GLRA1: variants seen among roughly 807,000 people sequenced by gnomAD.
The protein encoded by GLRA1 is glycine receptor subunit alpha-1.
In GLRA1, 37 loss-of-function variants were observed where a neutral mutation model predicts 48.3. The observed-to-expected ratio is 0.77, with a 90% CI of 0.59 to 1.01. The LOEUF (loss-of-function observed/expected upper bound fraction) is 1.01, where lower values mean the gene tolerates loss of function less well. GLRA1 is among the 50% of genes least tolerant of loss of function. The pLI is 0.00. For synonymous variants in GLRA1, 196 were observed against 210.7 expected, an observed-to-expected ratio of 0.93 and a Z score of 0.60; for missense variants, 427 against 571.0, an observed-to-expected ratio of 0.75 and a Z score of 2.57.
chr5:151,917,218 TG>T (rs1397550857), intron 1 of GLRA1, among the ~76,000 whole-genome samples: 2 of 152,192 alleles, frequency 1.3e-5, no homozygotes, highest in African/African-American at 4.8e-5. Flanking sequence ...ATCAATCTTC[TG>T]GGTGCGCTTT....
rs79260785 is a variant in GLRA1, at chr5:151,898,574, G to T, written c.57-6136C>A. On this transcript the variant is annotated intron_variant, in intron 1 of 8. Transcript: ENST00000274576. ...ATCCCTCCAGTCAATTCCCTCTCCA[G>T]TTTACCATGAGCAGAGAAGTCCAGG... is the stretch of plus-strand genomic sequence containing the variant. Among the ~76,000 whole-genome samples the T allele has an allele frequency of 8.0e-3, 1,215 of 152,182 alleles. 18 individuals carry two copies. The highest frequency in any genetic ancestry group is 0.028 in the African/African-American group (1,143 of 41,492).
intron 8 of GLRA1, among the ~76,000 whole-genome samples, chr5:151,823,791 G>A (rs569252596): frequency 1.3e-5 from 2 of 151,970 alleles, no homozygotes; most frequent in East Asian, 3.9e-4. Context: ...CCTTCCTTAT[G>A]CTCACTACCA....
chr5:151,864,985 G>T (rs989796188), intron 3 of GLRA1, among the ~76,000 whole-genome samples: 3 of 152,158 alleles, frequency 2.0e-5, no homozygotes, highest in African/African-American at 7.2e-5. Flanking sequence ...CAACAATTCA[G>T]TAAAGAATCT....
chr5:151,826,864 A>AG (rs1691310867), intron 8 of GLRA1, among the ~76,000 whole-genome samples: 2 of 152,166 alleles, frequency 1.3e-5, no homozygotes, highest in Non-Finnish European at 2.9e-5. Flanking sequence ...GCTCAATCAA[A>AG]GGGGCTGGTG....
chr5:151,885,400 G>A (rs1753874946), intron 3 of GLRA1, among the ~76,000 whole-genome samples: 1 of 152,220 alleles, frequency 6.6e-6, no homozygotes, highest in Admixed American at 6.5e-5. Flanking sequence ...AGTGACAAGT[G>A]CTGTTGTGGA....
intron 3 of GLRA1, among the ~76,000 whole-genome samples, chr5:151,865,730 A>T (rs1295354931): frequency 6.6e-6 from 1 of 152,230 alleles, no homozygotes; most frequent in African/African-American, 2.4e-5. Context: ...TTTGTATTTC[A>T]TAATGAGTCT....
chr5:151,823,091 C>G, intron 8 of GLRA1, 128 bp from the exon 9 acceptor site: 1 of 869,930 alleles, frequency 1.1e-6, no homozygotes, highest in Non-Finnish European at 1.7e-6. Flanking sequence ...CTGCATCACT[C>G]TAGGTTTCTG....
At chr5:151,840,201 C>T (rs1763680595) in intron 7 of GLRA1, among the ~76,000 whole-genome samples, 1 of 151,880 alleles carries the variant, frequency 6.6e-6, no homozygotes, top group Admixed American at 6.6e-5. Context: ...TCAAGCAGTC[C>T]TCCCACCTCA....
At chr5:151,914,700 C>T (rs1754696043) in intron 1 of GLRA1, among the ~76,000 whole-genome samples, 1 of 152,184 alleles carries the variant, frequency 6.6e-6, no homozygotes, top group Non-Finnish European at 1.5e-5. Flanking sequence ...AAAGGACGTT[C>T]AGTGGCTGAC....
intron 3 of GLRA1, among the ~76,000 whole-genome samples, chr5:151,871,852 C>T (rs1414733893): frequency 6.7e-6 from 1 of 149,884 alleles, no homozygotes; most frequent in Admixed American, 6.6e-5. Flanking sequence ...GCGTGAACCA[C>T]CGCGCCCGGC....
intron 1 of GLRA1, among the ~76,000 whole-genome samples, chr5:151,900,844 A>G (rs1754349459): frequency 6.6e-6 from 1 of 152,208 alleles, no homozygotes; most frequent in African/African-American, 2.4e-5. Context: ...GATTTTCACA[A>G]ACGTCTTTTC....
At chr5:151,888,514 A>G (rs1034956620) in intron 2 of GLRA1, among the ~76,000 whole-genome samples, 1 of 152,276 alleles carries the variant, frequency 6.6e-6, no homozygotes, top group Non-Finnish European at 1.5e-5. Flanking sequence ...ATCCATTTAC[A>G]TTTCAGGGTT....
intron 3 of GLRA1, among the ~76,000 whole-genome samples, chr5:151,864,460 G>C (rs1753282040): frequency 6.6e-6 from 1 of 152,198 alleles, no homozygotes; most frequent in Admixed American, 6.5e-5. Flanking sequence ...TGAGAAATGT[G>C]TCCCAGGAGC....
intron 1 of GLRA1, among the ~76,000 whole-genome samples, chr5:151,918,637 G>A (rs1019987274): frequency 6.6e-6 from 1 of 152,194 alleles, no homozygotes; most frequent in Non-Finnish European, 1.5e-5. Flanking sequence ...AATCAGAAAA[G>A]GAGGGAATAT....
At chr5:151,858,317 A>G (rs1444403010) in intron 4 of GLRA1, among the ~76,000 whole-genome samples, 1 of 152,176 alleles carries the variant, frequency 6.6e-6, no homozygotes, top group Admixed American at 6.5e-5. Context: ...ATGCAGTTGA[A>G]TTTCTGCAGA....
At chr5:151,856,425 T>C (rs1348252210) in intron 4 of GLRA1, 42 bp from the exon 5 acceptor site, 2 of 1,271,056 alleles carry the variant, frequency 1.6e-6, no homozygotes, top group South Asian at 2.4e-5. Flanking sequence ...GATCTGCACA[T>C]CAGGGAGGCT....
At chr5:151,867,006 G>A (rs1224091027) in intron 3 of GLRA1, among the ~76,000 whole-genome samples, 1 of 152,168 alleles carries the variant, frequency 6.6e-6, no homozygotes, top group Admixed American at 6.5e-5. Context: ...AGCTACTTGG[G>A]AGGCTGAGGT....
At chr5:151,826,807 AT>A (rs948101170) in intron 8 of GLRA1, among the ~76,000 whole-genome samples, 4 of 152,186 alleles carry the variant, frequency 2.6e-5, no homozygotes, top group African/African-American at 9.7e-5. Context: ...AGGAGGCTCC[AT>A]TCCCATTTTA....
intron 1 of GLRA1, among the ~76,000 whole-genome samples, chr5:151,911,371 G>GT (rs1192700289): frequency 8.5e-5 from 13 of 152,048 alleles, no homozygotes; most frequent in African/African-American, 2.9e-4. Flanking sequence ...AGTAATAGTG[G>GT]TTTTCCTGCT....
Sources: gnomAD v4.1 joint callset for allele counts (sites outside exome capture counted in the v4.1 genomes callset) on GRCh38, gnomAD v4.1.1 for gene constraint, MANE v1.5 for transcripts, NCBI Gene and HGNC (gene_info 2026-07-23, HGNC 2026-07-21) for gene names.